The following SLC4A11 variants were observed in gnomAD, a reference collection of about 807,000 sequenced individuals.
SLC4A11 encodes the protein bicarbonate transporter related protein 1.
A neutral mutation model predicts 95.0 loss-of-function variants in SLC4A11; 74 were observed. The observed-to-expected ratio is 0.78, with a 90% CI of 0.65 to 0.95. The LOEUF is 0.95. SLC4A11 is among the 40% of genes least tolerant of loss of function. The probability of loss-of-function intolerance (pLI) is 0.00; values close to 1 mark genes in which losing one functional copy is unlikely to be tolerated. For synonymous variants in SLC4A11, 548 were observed against 519.0 expected (o/e 1.06, Z -0.76); for missense variants, 1,081 against 1,192.4 (o/e 0.91, Z 1.38).
At chr20:3,228,453 G>T (rs752564270) in intron 18 of SLC4A11, 25 bp from the exon 19 acceptor site, 2 of 1,613,024 alleles carry the variant, frequency 1.2e-6, no homozygotes, top group Non-Finnish European at 1.7e-6. Context: ...GACCGGGTGT[G>T]GGCAGGCATG....
Position 3,231,118 on chromosome 20 carries a change from G to A in SLC4A11, c.1042+31C>T, listed in dbSNP as rs765291390. The A allele has an allele frequency of 9.3e-6, 15 of 1,614,170 alleles. No homozygotes were observed. The highest frequency in any genetic ancestry group is 1.3e-5 in the African/African-American group (1 of 75,072). On this transcript the variant is annotated intron_variant, in intron 9 of 19. Transcript: ENST00000642402. The surrounding 1 kb of genome is among the most constrained non-coding windows in gnomAD (Gnocchi z 5.2). ...GGATGCAGGACAGGCACACGTGTGG[G>A]CCCAAGGCCTGGAAAGCAGAGGCCA...
Position 3,234,607 on chromosome 20 carries a change from C to CGCTT in SLC4A11, c.248_251dup (p.Thr85SerfsTer51). On this transcript the variant is annotated frameshift_variant, in exon 4 of 20. Transcript: ENST00000642402. LOFTEE classifies it high-confidence loss of function. This position sits in a 1 kb window ranked among gnomAD's most constrained non-coding sequence, Gnocchi z 5.8. ...GCAGGAGCACACAGCCACCGGAAGT[C>CGCTT]GCTTCATTCTCTGCCGGAGAAAAGC... 1 of 1,613,912 alleles carries CGCTT rather than the reference C, an allele frequency of 6.2e-7. No individual in the cohort carries two copies. The highest frequency in any genetic ancestry group is 8.5e-7 in the Non-Finnish European group (1 of 1,180,026).
intron 16 of SLC4A11, 35 bp downstream of exon 16, chr20:3,229,060 G>GGGGGCGCC: frequency 6.5e-7 from 1 of 1,542,150 alleles, no homozygotes; most frequent in Non-Finnish European, 8.7e-7. Context: ...AGAGGCCCGG[G>GGGGGCGCC]CCCCGCCCAC....
chr20:3,228,740 G>A (rs1434083157), intron 17 of SLC4A11, 33 bp from the exon 18 acceptor site: 1 of 1,612,522 alleles, frequency 6.2e-7, no homozygotes, highest in African/African-American at 1.3e-5. Context: ...TGTCACCTCT[G>A]CGCCCCTGTC....
At chr20:3,229,878 G>A (rs565241809) in intron 13 of SLC4A11, 102 bp from the exon 14 acceptor site, 5 of 1,530,696 alleles carry the variant, frequency 3.3e-6, no homozygotes, top group East Asian at 2.3e-5. Context: ...GGGGGAAGGT[G>A]AGGGGACCCT....
intron 2 of SLC4A11, among the ~76,000 whole-genome samples, chr20:3,235,624 C>G (rs73891145): frequency 5.3e-5 from 8 of 152,006 alleles, no homozygotes; most frequent in Non-Finnish European, 1.0e-4. Flanking sequence ...GATGTGGGAC[C>G]CCAGAGGTGA....
Position 3,231,856 on chromosome 20 carries a change from C to T in SLC4A11, c.730-308G>A, listed in dbSNP as rs934933105. Among the ~76,000 whole-genome samples, 1 of 152,156 alleles carries T rather than the reference C, an allele frequency of 6.6e-6. No homozygotes were observed. The highest frequency in any genetic ancestry group is 2.4e-5 in the African/African-American group (1 of 41,446). Reference sequence around the variant, plus strand: ...AACTTTTTGTAGAGACGAGGTCTCACTATGTTGACCAGGCTGGTCTCAAAC... The same window carrying T: ...AACTTTTTGTAGAGACGAGGTCTCATTATGTTGACCAGGCTGGTCTCAAAC... On this transcript the variant is annotated intron_variant, in intron 7 of 19. Transcript: ENST00000642402. The surrounding 1 kb of genome is among the most constrained non-coding windows in gnomAD (Gnocchi z 5.2).
chr20:3,230,567 G>C lies in SLC4A11; in HGVS notation c.1363C>G (p.Leu455Val). The C allele has an allele frequency of 6.2e-7, 1 of 1,613,926 alleles. No individual in the cohort carries two copies. Among genetic ancestry groups the C allele is most frequent in the Non-Finnish European group, 8.5e-7 (1 of 1,180,020 alleles). The part of the protein sequence containing the change: ...AWTGLWNSFF[L>V]ALYAFFNLSL... ...AGGTTGAAAAAGGCATAAAGCGCAA[G>C]GAAGAAACTATTCCACAGGCCCGTC... The change falls in exon 12 of 20, where the codon CTT becomes GTT. Residue 455 changes from leucine (L) to valine (V), a missense_variant. By Grantham distance (32) the Leu-to-Val change is conservative. Coordinates refer to ENST00000642402, the MANE Select transcript of SLC4A11 (RefSeq NM_001174089.2).
rs769951788 is a variant in SLC4A11, at chr20:3,229,585, T to G, written c.1681A>C (p.Ser561Arg). 2 of 1,612,746 alleles carry G rather than the reference T, an allele frequency of 1.2e-6. No homozygotes were observed. Among genetic ancestry groups the G allele is most frequent in the Non-Finnish European group, 1.7e-6 (2 of 1,179,928 alleles). ...THSGQATAVL[S>R]LLIMLGTLWL... ...AGCGTGCCCAGCATGATGAGGAGGC[T>G]GAGCACGGCGGTCGCCTGGCCTGAG... Residue 561 changes from serine (S) to arginine (R), a missense_variant, in exon 14 of 20, where the codon AGC becomes CGC. Transcript: ENST00000642402.
At chr20:3,229,051 G>T in intron 16 of SLC4A11, 40 bp from the exon 17 acceptor site, 1 of 1,576,510 alleles carries the variant, frequency 6.3e-7, no homozygotes, top group Non-Finnish European at 8.6e-7. Flanking sequence ...CCCCACAGCA[G>T]AGGCCCGGGC....
At chr20:3,238,469 G>A in intron 1 of SLC4A11, 1 of 1,017,742 alleles carries the variant, frequency 9.8e-7, no homozygotes, top group Non-Finnish European at 1.2e-6. Flanking sequence ...CGTGGGCGAC[G>A]AGGGTCTGGG....
In SLC4A11 at chr20:3,231,745, C is replaced by A. The variant is rs1202635610; in HGVS notation, c.730-197G>T. On this transcript the variant is annotated intron_variant, in intron 7 of 19. Coordinates refer to ENST00000642402, the MANE Select transcript of SLC4A11 (RefSeq NM_001174089.2). This position sits in a 1 kb window ranked among gnomAD's most constrained non-coding sequence, Gnocchi z 5.2. ...ACGGCTTATCGTAGCCTCGACCTCC[C>A]GGGCTCAAGTGATTCTCCCACATCA... is the stretch of plus-strand genomic sequence containing the variant. 6.6e-6 allele frequency among the ~76,000 whole-genome samples: 1 copy of A among 152,180 alleles called. No homozygotes were observed. Among genetic ancestry groups the A allele is most frequent in the African/African-American group, 2.4e-5 (1 of 41,448 alleles).
In SLC4A11 at chr20:3,228,404, T is replaced by C. The variant is rs376117489; in HGVS notation, c.2413A>G (p.Ile805Val). ...EQTAYPPTHY[I>V]RRVPQRKIHY... is the part of the protein sequence containing the mutation. ...ATCTTCCTCTGGGGCACCCTCCGGA[T>C]GTAGTGTGTCGGGGGGTACGCAGTC... is the stretch of plus-strand genomic sequence containing the variant. Residue 805 changes from isoleucine (I) to valine (V), a missense_variant, in exon 19 of 20, where the codon ATC (isoleucine) becomes GTC (valine). Around this residue, in one of 3 missense-constraint regions of SLC4A11, gnomAD observed 767 missense variants for 858.0 expected, o/e 0.89. Coordinates refer to ENST00000642402, the MANE Select transcript of SLC4A11 (RefSeq NM_001174089.2). 3 of 1,613,054 alleles carry C rather than the reference T, an allele frequency of 1.9e-6. No homozygotes were observed. Among genetic ancestry groups the C allele is most frequent in the Non-Finnish European group, 2.5e-6 (3 of 1,179,968 alleles).
At position 3,228,693 on chromosome 20, in the gene SLC4A11, T is replaced by C; in HGVS notation, c.2207A>G (p.Lys736Arg). 1 of 1,612,968 alleles carries C rather than the reference T, an allele frequency of 6.2e-7. No individual in the cohort carries two copies. Among genetic ancestry groups the C allele is most frequent in the South Asian group, 1.1e-5 (1 of 91,084 alleles). The change falls in exon 18 of 20, where the codon AAG becomes AGG. Residue 736 changes from lysine to arginine, a missense_variant. Physicochemically the swap from Lys to Arg is conservative, Grantham distance 26. This residue lies in a region of SLC4A11 where 767 missense variants were observed against 858.0 expected (regional missense o/e 0.89). Coordinates refer to ENST00000642402, the MANE Select transcript of SLC4A11 (RefSeq NM_001174089.2). Reference sequence around the variant, plus strand: ...GCCCAGCGAGGTCAGCCGCGTCTCCTTCACGTTCACAATCCTGCGGTGGCC... The same window carrying C: ...GCCCAGCGAGGTCAGCCGCGTCTCCCTCACGTTCACAATCCTGCGGTGGCC... ...GHIYDTIVNV[K>R]ETRLTSLGAS...
Position 3,233,567 on chromosome 20 carries a change from C to T in SLC4A11, c.676G>A (p.Glu226Lys), listed in dbSNP as rs201660888. 1.9e-5 allele frequency: 30 copies of T among 1,613,588 alleles called. No individual in the cohort carries two copies. Among genetic ancestry groups the T allele is most frequent in the Admixed American group, 5.0e-5 (3 of 59,994 alleles). The change falls in exon 7 of 20, where the codon GAG (glutamate) becomes AAG (lysine). Residue 226 changes from glutamate (E) to lysine (K), a missense_variant. Transcript: ENST00000642402. Reference sequence around the variant, plus strand: ...ACGAACCGAACCTCACAGGAATTCTCCCCCCAGTTCTGTGGGCGAACCAGG... The same window carrying T: ...ACGAACCGAACCTCACAGGAATTCTTCCCCCAGTTCTGTGGGCGAACCAGG... ...SRLVRPQNWG[E>K]NSCEVRFVIL...
chr20:3,239,208 A>T (rs1356934624), upstream of SLC4A11: 40 of 1,336,874 alleles, frequency 3.0e-5, no homozygotes, highest in Non-Finnish European at 3.5e-5. Context: ...AAACTCGGCG[A>T]CTCGGGCGGG....
chr20:3,238,586 T>C, intron 1 of SLC4A11: 1 of 990,732 alleles, frequency 1.0e-6, no homozygotes, highest in Non-Finnish European at 1.2e-6. Context: ...CCCTCCCGTG[T>C]CAGAGCAAGG....
rs1202635610 is a variant in SLC4A11 at position 3,231,745 on chromosome 20, C to T, written c.730-197G>A. On this transcript the variant is annotated intron_variant, in intron 7 of 19. Coordinates refer to ENST00000642402, the MANE Select transcript of SLC4A11 (RefSeq NM_001174089.2). This position sits in a 1 kb window ranked among gnomAD's most constrained non-coding sequence, Gnocchi z 5.2. ...ACGGCTTATCGTAGCCTCGACCTCC[C>T]GGGCTCAAGTGATTCTCCCACATCA... Among the ~76,000 whole-genome samples, 1 of 152,180 alleles carries T rather than the reference C, an allele frequency of 6.6e-6. No individual in the cohort carries two copies. The highest frequency in any genetic ancestry group is 1.5e-5 in the Non-Finnish European group (1 of 68,026).
chr20:3,238,342 C>T, intron 1 of SLC4A11: 2 of 985,428 alleles, frequency 2.0e-6, no homozygotes, highest in Non-Finnish European at 2.4e-6. Context: ...GAGAGGAAAG[C>T]GCCTCCAGAC....
Sources: allele counts gnomAD v4.1 joint callset (sites outside exome capture counted in the v4.1 genomes callset), GRCh38; gene constraint gnomAD v4.1.1; regional missense constraint gnomAD v4.1.1; non-coding constraint Gnocchi (gnomAD v3.1); transcripts MANE v1.5; gene names NCBI Gene and HGNC (gene_info 2026-07-23, HGNC 2026-07-21).